EIF2B3: variants seen among roughly 807,000 people sequenced by gnomAD.
EIF2B3 encodes the protein eukaryotic translation initiation factor 2B subunit gamma.
Under a neutral mutation model 54.1 loss-of-function variants are expected in EIF2B3, and 20 were observed. The ratio of observed to expected loss-of-function variants is 0.37; its 90% confidence interval spans 0.26 to 0.54. The LOEUF is 0.54. Among genes scored for constraint, EIF2B3 ranks in the 20% least tolerant of loss-of-function variants. The pLI, the probability that EIF2B3 is intolerant of heterozygous loss-of-function variation, is 0.86. For missense variants in EIF2B3, 448 were observed against 547.8 expected, an observed-to-expected ratio of 0.82 and a Z score of 1.82; for synonymous variants, 153 against 188.1, an observed-to-expected ratio of 0.81 and a Z score of 1.52.
At chr1:44,950,283 G>A (rs1010466768) in intron 3 of EIF2B3, among the ~76,000 whole-genome samples, 3 of 152,072 alleles carry the variant, frequency 2.0e-5, no homozygotes, top group African/African-American at 7.2e-5. Flanking sequence ...AATTAGCCAG[G>A]CATGGTGGTG....
At chr1:44,937,323 A>C (rs937527316) in intron 4 of EIF2B3, 2 of 152,228 alleles carry the variant, frequency 1.3e-5, no homozygotes, top group African/African-American at 4.8e-5. Context: ...TTGATTGTTC[A>C]CCATGGGACA....
chr1:44,952,206 G>T (rs1160045232), intron 3 of EIF2B3, among the ~76,000 whole-genome samples: 1 of 125,194 alleles, frequency 8.0e-6, no homozygotes, highest in Non-Finnish European at 1.8e-5. Context: ...CTCGTGATCC[G>T]CCCGCCTCGG....
chr1:44,868,006 C>G (rs956473785), intron 10 of EIF2B3, among the ~76,000 whole-genome samples: 3 of 152,010 alleles, frequency 2.0e-5, no homozygotes, highest in Non-Finnish European at 4.4e-5. Context: ...CCACTGCACT[C>G]TAGCCTGGGT....
At chr1:44,952,564 T>G (rs1644177702) in intron 3 of EIF2B3, among the ~76,000 whole-genome samples, 1 of 151,738 alleles carries the variant, frequency 6.6e-6, no homozygotes, top group Non-Finnish European at 1.5e-5. Flanking sequence ...CAATTTTTTT[T>G]TTTTTTTTGA....
At chr1:44,936,981 C>T (rs1643954845) in intron 4 of EIF2B3, among the ~76,000 whole-genome samples, 1 of 152,136 alleles carries the variant, frequency 6.6e-6, no homozygotes, top group Non-Finnish European at 1.5e-5. Flanking sequence ...CCCAAAATCC[C>T]ACAGCTTTTG....
intron 3 of EIF2B3, among the ~76,000 whole-genome samples, chr1:44,955,582 T>C (rs557561276): frequency 2.0e-5 from 3 of 152,030 alleles, no homozygotes; most frequent in African/African-American, 7.2e-5. Context: ...ACAAGCAACC[T>C]ACAGAATGGG....
rs545291765 is a variant in EIF2B3, at chr1:44,980,629, C to T, written c.148+392G>A. Among the ~76,000 whole-genome samples the T allele has an allele frequency of 1.1e-4, 17 of 152,170 alleles. 1 individual carries two copies. Among genetic ancestry groups the T allele is most frequent in the East Asian group, 9.6e-4 (5 of 5,182 alleles). On this transcript the variant is annotated intron_variant, in intron 2 of 11. Coordinates refer to ENST00000360403, the MANE Select transcript of EIF2B3 (RefSeq NM_020365.5). ...AGCTGTCTTTTCAATTCTGTACCTC[C>T]GTGTTTAATATATAACCTGGTACTT...
chr1:44,883,141 C>T (rs1655466196), intron 6 of EIF2B3, among the ~76,000 whole-genome samples: 1 of 151,086 alleles, frequency 6.6e-6, no homozygotes. Flanking sequence ...GTTGACCATC[C>T]TGAGGTCAGG....
chr1:44,942,703 T>C (rs1173730739), intron 3 of EIF2B3, among the ~76,000 whole-genome samples: 2 of 150,818 alleles, frequency 1.3e-5, no homozygotes, highest in South Asian at 2.1e-4. Flanking sequence ...GTTGGGATTA[T>C]AGGCATGAGC....
chr1:44,882,430 G>T (rs957664532), intron 6 of EIF2B3, among the ~76,000 whole-genome samples: 4 of 151,770 alleles, frequency 2.6e-5, no homozygotes, highest in Admixed American at 6.6e-5. Flanking sequence ...GCTAACTTTG[G>T]GAGAAAACTT....
intron 5 of EIF2B3, among the ~76,000 whole-genome samples, chr1:44,903,164 T>A (rs1030527323): frequency 3.9e-5 from 6 of 152,084 alleles, no homozygotes; most frequent in African/African-American, 1.4e-4. Flanking sequence ...GTACAAAACA[T>A]CTGTGAACGA....
rs751321524 is a variant in EIF2B3, at chr1:44,926,636, G to T, written c.558C>A (p.Ile186=). The change falls in exon 5 of 12, where the codon ATC becomes ATA. Residue 186 remains isoleucine (I), a synonymous_variant. Transcript: ENST00000360403. ...LDEELVIKGS[I]LQKHPRIRFH... ...AAAACCCTAGGGCTTACTTCTGTAG[G>T]ATGGATCCCTTAATGACCAGCTCTT... 1.9e-6 allele frequency: 3 copies of T among 1,613,498 alleles called. No homozygotes were observed. Among genetic ancestry groups the T allele is most frequent in the African/African-American group, 2.7e-5 (2 of 74,898 alleles).
intron 6 of EIF2B3, among the ~76,000 whole-genome samples, chr1:44,892,744 C>T (rs564301333): frequency 6.6e-6 from 1 of 152,332 alleles, no homozygotes; most frequent in South Asian, 2.1e-4. Flanking sequence ...CTTGGCAGCA[C>T]CTGCATCTTC....
At chr1:44,915,369 TG>T (rs1315181778) in intron 5 of EIF2B3, among the ~76,000 whole-genome samples, 1 of 152,106 alleles carries the variant, frequency 6.6e-6, no homozygotes, top group Admixed American at 6.6e-5. Context: ...TGGAATGCAA[TG>T]GCATGATCAC....
At chr1:44,943,284 C>T (rs1456690785) in intron 3 of EIF2B3, among the ~76,000 whole-genome samples, 1 of 151,946 alleles carries the variant, frequency 6.6e-6, no homozygotes, top group East Asian at 1.9e-4. Context: ...CTCAGCCTCC[C>T]AAAGTGCTGA....
At chr1:44,873,967 T>G (rs903559590) in intron 10 of EIF2B3, among the ~76,000 whole-genome samples, 1 of 151,956 alleles carries the variant, frequency 6.6e-6, no homozygotes, top group Non-Finnish European at 1.5e-5. Context: ...TTTTAGATTT[T>G]GGATTTTTTA....
At chr1:44,967,446 C>CA (rs1293426095) in intron 3 of EIF2B3, among the ~76,000 whole-genome samples, 141 of 95,112 alleles carry the variant, frequency 1.5e-3, no homozygotes, top group Admixed American at 3.5e-3. Flanking sequence ...GACTCTGTCT[C>CA]AAAAAAAAAA....
intron 5 of EIF2B3, among the ~76,000 whole-genome samples, chr1:44,906,348 G>A (rs946533516): frequency 3.9e-5 from 6 of 152,196 alleles, no homozygotes; most frequent in African/African-American, 1.4e-4. Flanking sequence ...AAGGTTCAGT[G>A]AAGGATCACT....
chr1:44,922,751 T>G lies in EIF2B3; in HGVS notation c.566+3877A>C, dbSNP rs370855872. Among the ~76,000 whole-genome samples the G allele has an allele frequency of 2.6e-5, 4 of 152,090 alleles. No individual in the cohort carries two copies. In the East Asian group the frequency reaches 7.7e-4, roughly 29 times the overall value. On this transcript the variant is annotated intron_variant, in intron 5 of 11. Coordinates refer to ENST00000360403, the MANE Select transcript of EIF2B3 (RefSeq NM_020365.5). ...TATAATTTTCATTGTAGAGACCTTT[T>G]GCTTCTTTGGTTAAGTTAATCCCCA...
Sources: allele counts gnomAD v4.1 joint callset (sites outside exome capture counted in the v4.1 genomes callset), GRCh38; gene constraint gnomAD v4.1.1; transcripts MANE v1.5; gene names NCBI Gene and HGNC (gene_info 2026-07-23, HGNC 2026-07-21).